Variants in ULK4 observed in about 807,000 individuals in gnomAD.
ULK4 encodes the protein unc-51 like kinase 4, also known as inactive serine/threonine-protein kinase ULK4.
A neutral mutation model predicts 160.6 loss-of-function variants in ULK4; 133 were observed. That is an observed-to-expected ratio of 0.83 (90% CI 0.72 to 0.96). The LOEUF (loss-of-function observed/expected upper bound fraction) is 0.96. Ranked by LOEUF, ULK4 falls within the 40% of genes least tolerant of loss-of-function variation. The pLI is 0.00. For missense variants in ULK4, 1,580 were observed against 1,499.5 expected, an observed-to-expected ratio of 1.05 and a Z score of -0.89; for synonymous variants, 534 against 539.8, an observed-to-expected ratio of 0.99 and a Z score of 0.15.
intron 4 of ULK4, 97 bp downstream of exon 4, chr3:41,935,699 ATATTC>A (rs752150581): frequency 6.7e-4 from 906 of 1,361,382 alleles, no homozygotes; most frequent in Non-Finnish European, 8.2e-4. Flanking sequence ...AAATTTCAAG[ATATTC>A]TATACCAAAA....
intron 31 of ULK4, among the ~76,000 whole-genome samples, chr3:41,590,880 G>A (rs1354983614): frequency 6.6e-6 from 1 of 151,876 alleles, no homozygotes; most frequent in East Asian, 1.9e-4. Flanking sequence ...GGATAAAATA[G>A]GCTAAGAGGA....
intron 35 of ULK4, among the ~76,000 whole-genome samples, chr3:41,369,310 T>C (rs1052001176): frequency 6.6e-6 from 1 of 152,030 alleles, no homozygotes; most frequent in Non-Finnish European, 1.5e-5. Flanking sequence ...GGACTCAGCA[T>C]GGCAAAACCT....
chr3:41,460,305 T>G (rs2083653626), intron 33 of ULK4, among the ~76,000 whole-genome samples: 1 of 152,198 alleles, frequency 6.6e-6, no homozygotes, highest in South Asian at 2.1e-4. Context: ...TCAGGTGACC[T>G]GAATTAGAAT....
intron 27 of ULK4, among the ~76,000 whole-genome samples, chr3:41,684,393 G>C (rs1207263220): frequency 6.6e-6 from 1 of 152,186 alleles, no homozygotes; most frequent in Non-Finnish European, 1.5e-5. Flanking sequence ...GCAGGTCCTT[G>C]AAACAAAAAC....
chr3:41,945,373 T>C (rs895222878), intron 2 of ULK4, among the ~76,000 whole-genome samples: 2 of 151,932 alleles, frequency 1.3e-5, no homozygotes, highest in African/African-American at 2.4e-5. Context: ...CTGCAAAGAG[T>C]CTGGGAATTG....
intron 32 of ULK4, among the ~76,000 whole-genome samples, chr3:41,552,094 C>G (rs546467680): frequency 6.6e-6 from 1 of 151,798 alleles, no homozygotes; most frequent in Non-Finnish European, 1.5e-5. Flanking sequence ...AAACTAGGCA[C>G]TGAAGGAATA....
intron 35 of ULK4, among the ~76,000 whole-genome samples, chr3:41,306,197 C>CCCGCCCGG (rs1451823031): frequency 0.011 from 610 of 57,056 alleles, 5 homozygotes; most frequent in Admixed American, 0.012. Flanking sequence ...GGGTCAGCCC[C>CCCGCCCGG]CCACCCCGCC....
chr3:41,868,347 T>C (rs2125690677), intron 17 of ULK4, among the ~76,000 whole-genome samples: 1 of 152,342 alleles, frequency 6.6e-6, no homozygotes, highest in East Asian at 1.9e-4. Context: ...TGTTTTTATC[T>C]CTAGTAATAC....
chr3:41,268,135 C>T (rs1324993909), intron 35 of ULK4, among the ~76,000 whole-genome samples: 1 of 152,156 alleles, frequency 6.6e-6, no homozygotes, highest in Admixed American at 6.5e-5. Context: ...CTGCTATACA[C>T]TCCATATTGC....
intron 34 of ULK4, among the ~76,000 whole-genome samples, chr3:41,446,789 A>G (rs1413933878): frequency 1.3e-5 from 2 of 151,878 alleles, no homozygotes; most frequent in East Asian, 1.9e-4. Context: ...ATGATGAGTT[A>G]ATGGGTGCAG....
intron 17 of ULK4, among the ~76,000 whole-genome samples, chr3:41,845,191 T>A (rs914593309): frequency 5.3e-5 from 8 of 152,160 alleles, no homozygotes; most frequent in African/African-American, 7.2e-5. Context: ...GGTCTCGATC[T>A]CCTGACCTCG....
intron 22 of ULK4, among the ~76,000 whole-genome samples, chr3:41,725,140 C>T (rs1479096673): frequency 6.6e-6 from 1 of 152,122 alleles, no homozygotes; most frequent in African/African-American, 2.4e-5. Flanking sequence ...TCCTTTCTGA[C>T]AATGCTTTTG....
At chr3:41,899,793 T>TAA (rs1409933606) in intron 13 of ULK4, among the ~76,000 whole-genome samples, 1 of 152,154 alleles carries the variant, frequency 6.6e-6, no homozygotes, top group Non-Finnish European at 1.5e-5. Flanking sequence ...CTTAGCATAA[T>TAA]AAAGTTACTC....
At chr3:41,799,768 CAGT>C (rs2040401855) in intron 20 of ULK4, among the ~76,000 whole-genome samples, 1 of 152,090 alleles carries the variant, frequency 6.6e-6, no homozygotes, top group African/African-American at 2.4e-5. Context: ...GAGGCTGACG[CAGT>C]AGAATTACTT....
intron 19 of ULK4, among the ~76,000 whole-genome samples, chr3:41,805,803 T>C (rs1297594113): frequency 1.4e-5 from 2 of 147,898 alleles, no homozygotes; most frequent in Non-Finnish European, 3.0e-5. Flanking sequence ...TTTGCGTATA[T>C]TGAACCAGCC....
intron 35 of ULK4, among the ~76,000 whole-genome samples, chr3:41,353,501 C>T (rs903779427): frequency 2.9e-4 from 44 of 151,726 alleles, no homozygotes; most frequent in African/African-American, 1.1e-3. Flanking sequence ...CCCATTTCTA[C>T]AAAAATTTTT....
chr3:41,595,962 T>A (rs2031659415), intron 31 of ULK4, among the ~76,000 whole-genome samples: 1 of 152,088 alleles, frequency 6.6e-6, no homozygotes, highest in Non-Finnish European at 1.5e-5. Flanking sequence ...TAGTATTTCC[T>A]AACGAGATCT....
At chr3:41,516,454 G>A (rs2085749682) in intron 32 of ULK4, among the ~76,000 whole-genome samples, 1 of 152,014 alleles carries the variant, frequency 6.6e-6, no homozygotes, top group Non-Finnish European at 1.5e-5. Flanking sequence ...ATCTGATAAA[G>A]GACTTGTATC....
chr3:41,705,626 A>G (rs991101531), intron 25 of ULK4, among the ~76,000 whole-genome samples: 1 of 151,918 alleles, frequency 6.6e-6, no homozygotes, highest in African/African-American at 2.4e-5. Context: ...CCTCCTGAGT[A>G]TCTGGGATTA....
Sources: gnomAD v4.1 joint callset for allele counts (sites outside exome capture counted in the v4.1 genomes callset) on GRCh38, gnomAD v4.1.1 for gene constraint, MANE v1.5 for transcripts, NCBI Gene and HGNC (gene_info 2026-07-23, HGNC 2026-07-21) for gene names.